The following CXADR variants were observed in gnomAD, a reference collection of about 807,000 sequenced individuals.
CXADR encodes the protein coxsackievirus and adenovirus receptor.
CXADR carries 20 observed loss-of-function variants against 40.3 expected under a neutral mutation model. The ratio of observed to expected loss-of-function variants is 0.50; its 90% CI spans 0.35 to 0.72. CXADR has a LOEUF of 0.72. CXADR is among the 30% of genes least tolerant of loss of function. The pLI is 0.01. For missense variants in CXADR, 332 were observed against 449.1 expected, an observed-to-expected ratio of 0.74 and a Z score of 2.36; for synonymous variants, 150 against 161.3, an observed-to-expected ratio of 0.93 and a Z score of 0.53.
rs1013244778 is a variant in CXADR, at chr21:17,566,619, A to G, written c.*927A>G. 4.4e-5 allele frequency: 43 copies of G among 984,012 alleles called. No homozygotes were observed. Among genetic ancestry groups the G allele is most frequent in the Non-Finnish European group, 5.2e-5 (43 of 828,784 alleles). The allele number at this position is 984,012 out of a possible 1,614,324, so 61.0% of individuals were successfully genotyped here. A position where few individuals can be genotyped will look rare whatever the true frequency, so the allele number is the denominator to read the frequency against. On this transcript the variant is annotated 3_prime_UTR_variant, in exon 7 of 7. Coordinates refer to ENST00000284878, the MANE Select transcript of CXADR (RefSeq NM_001338.5). ...TGACACTTATAGATTGAAATTTCCT[A>G]ATTTATTCTAAATTTTAAGTGGTTC...
rs755566570 is a variant in CXADR, at chr21:17,547,125, G to A, written c.142G>A (p.Glu48Lys). 12 of 1,614,174 alleles carry A rather than the reference G, an allele frequency of 7.4e-6. No homozygotes were observed. The highest frequency in any genetic ancestry group is 2.2e-5 in the South Asian group (2 of 91,088). ...YLPCKFTLSP[E>K]DQGPLDIEWL... ...GCCATGCAAATTTACGCTTAGTCCC[G>A]AAGACCAGGGACCGCTGGACATCGA... The change falls in exon 2 of 7, where the codon GAA becomes AAA. Residue 48 changes from glutamate to lysine, a missense_variant. Glu to Lys is a moderately conservative substitution (Grantham distance 56, BLOSUM62 1). This residue lies in a region of CXADR where 162 missense variants were observed against 198.5 expected (regional missense o/e 0.82). Coordinates refer to ENST00000284878, the MANE Select transcript of CXADR (RefSeq NM_001338.5).
the CXADR span, among the ~76,000 whole-genome samples, chr21:17,599,454 AC>A: frequency 1.0e-4 from 15 of 146,706 alleles, no homozygotes; most frequent in East Asian, 1.0e-3. Flanking sequence ...TGCTAGAATT[AC>A]AGGCATGCGC....
At chr21:17,591,451 C>T (rs980192423) in intron 7 of CXADR, among the ~76,000 whole-genome samples, 1 of 151,882 alleles carries the variant, frequency 6.6e-6, no homozygotes, top group African/African-American at 2.4e-5. Flanking sequence ...TAACACATAC[C>T]TCTGTTAGCT....
chr21:17,520,572 C>T (rs1270503025), intron 1 of CXADR, among the ~76,000 whole-genome samples: 1 of 152,036 alleles, frequency 6.6e-6, no homozygotes, highest in East Asian at 1.9e-4. Flanking sequence ...GTGGAAGTGT[C>T]GAGAAGTAAG....
At chr21:17,573,437 G>A (rs2061295638), downstream of CXADR, among the ~76,000 whole-genome samples, 1 of 152,020 alleles carries the variant, frequency 6.6e-6, no homozygotes, top group Non-Finnish European at 1.5e-5. Context: ...GTACCCAGAG[G>A]GTTCTCTGTT....
the CXADR span, among the ~76,000 whole-genome samples, chr21:17,607,643 A>G: frequency 6.6e-6 from 1 of 152,244 alleles, no homozygotes; most frequent in Non-Finnish European, 1.5e-5. Context: ...TGTACTTGCA[A>G]GAGCCCAGTG....
At position 17,568,688 on chromosome 21, in the gene CXADR, G is replaced by C; in HGVS notation, c.*2996G>C. ...TTACAGGTGTGAGCCGCAGCATCCA[G>C]CCAGTTCTGTACTTTGAATATGGAG... On this transcript the variant is annotated 3_prime_UTR_variant, in exon 7 of 7. Coordinates refer to ENST00000284878, the MANE Select transcript of CXADR (RefSeq NM_001338.5). 2.0e-6 allele frequency: 2 copies of C among 984,870 alleles called. No homozygotes were observed. Among genetic ancestry groups the C allele is most frequent in the Non-Finnish European group, 2.4e-6 (2 of 829,888 alleles). The allele number at this position is 984,870 out of a possible 1,614,324, so 61.0% of individuals were successfully genotyped here.
the CXADR span, among the ~76,000 whole-genome samples, chr21:17,614,572 A>G: frequency 1.3e-5 from 2 of 152,160 alleles, no homozygotes; most frequent in African/African-American, 2.4e-5. Context: ...ATGAAACCCA[A>G]TCTCTACAAA....
chr21:17,633,394 A>G, the CXADR span, among the ~76,000 whole-genome samples: 1 of 152,176 alleles, frequency 6.6e-6, no homozygotes, highest in Non-Finnish European at 1.5e-5. Flanking sequence ...GTGAGACTCC[A>G]TCTCTACAAA....
intron 7 of CXADR, among the ~76,000 whole-genome samples, chr21:17,585,920 C>T (rs2061392502): frequency 6.6e-6 from 1 of 152,102 alleles, no homozygotes; most frequent in Non-Finnish European, 1.5e-5. Context: ...CATTAAAATT[C>T]TCCATTACCA....
At chr21:17,615,823 G>A in the CXADR span, among the ~76,000 whole-genome samples, 1 of 152,156 alleles carries the variant, frequency 6.6e-6, no homozygotes, top group Non-Finnish European at 1.5e-5. Context: ...CACATCCTGT[G>A]GTTGTGTCTC....
At chr21:17,554,623 C>A (rs1328557466) in intron 3 of CXADR, among the ~76,000 whole-genome samples, 1 of 152,084 alleles carries the variant, frequency 6.6e-6, no homozygotes, top group Non-Finnish European at 1.5e-5. Flanking sequence ...GCTTTTTCTT[C>A]CATGTTTTTA....
intron 1 of CXADR, among the ~76,000 whole-genome samples, chr21:17,540,936 G>T (rs1414756317): frequency 6.6e-6 from 1 of 152,018 alleles, no homozygotes; most frequent in Admixed American, 6.6e-5. Flanking sequence ...ATATGGTTGT[G>T]TGCTCTCTTG....
chr21:17,539,617 G>C (rs2060801873), intron 1 of CXADR, among the ~76,000 whole-genome samples: 1 of 152,170 alleles, frequency 6.6e-6, no homozygotes, highest in Admixed American at 6.5e-5. Flanking sequence ...GTAAGGATCA[G>C]ATGAAATAAT....
the CXADR span, among the ~76,000 whole-genome samples, chr21:17,625,483 A>T: frequency 6.6e-6 from 1 of 152,218 alleles, no homozygotes; most frequent in Admixed American, 6.5e-5. Flanking sequence ...ACCCCAAAAT[A>T]TGTACAACTG....
At chr21:17,585,322 TA>T (rs897058957) in intron 7 of CXADR, among the ~76,000 whole-genome samples, 3 of 152,114 alleles carry the variant, frequency 2.0e-5, no homozygotes, top group Non-Finnish European at 2.9e-5. Flanking sequence ...CATGAAACTA[TA>T]AAAAATCATG....
intron 4 of CXADR, 50 bp downstream of exon 4, chr21:17,559,181 A>G (rs1479700031): frequency 6.3e-7 from 1 of 1,584,976 alleles, no homozygotes; most frequent in Non-Finnish European, 8.7e-7. Context: ...TTGGACTAAG[A>G]TCTAGTAGGG....
At chr21:17,578,699 C>T (rs2061338702) in intron 7 of CXADR, among the ~76,000 whole-genome samples, 3 of 152,152 alleles carry the variant, frequency 2.0e-5, no homozygotes, top group East Asian at 3.9e-4. Flanking sequence ...CATGGTGGCA[C>T]GTGCCTGTTG....
intron 7 of CXADR, among the ~76,000 whole-genome samples, chr21:17,581,681 A>C (rs1437599842): frequency 6.6e-6 from 1 of 151,888 alleles, no homozygotes; most frequent in Non-Finnish European, 1.5e-5. Flanking sequence ...CCCTATCTCC[A>C]CAAAAAATAA....
Sources: allele counts gnomAD v4.1 joint callset (sites outside exome capture counted in the v4.1 genomes callset), GRCh38; gene constraint gnomAD v4.1.1; regional missense constraint gnomAD v4.1.1; transcripts MANE v1.5; gene names NCBI Gene and HGNC (gene_info 2026-07-23, HGNC 2026-07-21).